GPHN: variants seen among roughly 807,000 people sequenced by gnomAD.
GPHN encodes gephyrin.
Under a neutral mutation model 95.5 loss-of-function variants are expected in GPHN, and 17 were observed. The ratio of observed to expected loss-of-function variants is 0.18; its 90% confidence interval spans 0.12 to 0.27. The LOEUF (loss-of-function observed/expected upper bound fraction) is 0.27, where lower values mean the gene tolerates loss of function less well. GPHN is among the 10% of genes least tolerant of loss of function. The pLI, the probability that GPHN is intolerant of heterozygous loss-of-function variation, is 1.00. For synonymous variants in GPHN, 320 were observed against 322.5 expected, an observed-to-expected ratio of 0.99 and a Z score of 0.08; for missense variants, 660 against 978.1, an observed-to-expected ratio of 0.67 and a Z score of 4.34.
chr14:67,479,484 G>A, the GPHN span, among the ~76,000 whole-genome samples: 3 of 150,346 alleles, frequency 2.0e-5, no homozygotes, highest in South Asian at 2.1e-4. Flanking sequence ...TTGGGAGGCC[G>A]AGGTGGGTAG....
intron 1 of GPHN, among the ~76,000 whole-genome samples, chr14:66,632,139 A>G (rs1419977840): frequency 6.6e-6 from 1 of 152,170 alleles, no homozygotes; most frequent in African/African-American, 2.4e-5. Flanking sequence ...GTCTATAAAG[A>G]GGGGAGAGCA....
the GPHN span, among the ~76,000 whole-genome samples, chr14:67,244,074 T>C: frequency 6.6e-6 from 1 of 152,224 alleles, no homozygotes; most frequent in African/African-American, 2.4e-5. Context: ...CTTTTCCAAA[T>C]CACTTAACTG....
chr14:66,846,736 A>T (rs181166242), intron 4 of GPHN, among the ~76,000 whole-genome samples: 53 of 152,264 alleles, frequency 3.5e-4, no homozygotes, highest in South Asian at 4.1e-4. Context: ...CTATTAATAA[A>T]TAACAGTAAC....
intron 1 of GPHN, among the ~76,000 whole-genome samples, chr14:66,596,264 A>G (rs916963671): frequency 1.6e-4 from 25 of 151,996 alleles, no homozygotes; most frequent in African/African-American, 6.0e-4. Context: ...AGGCCCAGAA[A>G]AAGCACCAGA....
the GPHN span, chr14:67,569,308 C>A: frequency 1.1e-6 from 1 of 901,346 alleles, no homozygotes; most frequent in Non-Finnish European, 1.8e-6. Flanking sequence ...ACACCCAGGG[C>A]CAGGGTTGGC....
At chr14:67,148,511 C>T (rs185995626) in intron 18 of GPHN, among the ~76,000 whole-genome samples, 2 of 151,620 alleles carry the variant, frequency 1.3e-5, no homozygotes, top group South Asian at 2.1e-4. Context: ...TTTAAGAGGA[C>T]CTGCAAGGTC....
chr14:66,946,350 C>T (rs1391227513), intron 8 of GPHN, among the ~76,000 whole-genome samples: 2 of 152,004 alleles, frequency 1.3e-5, no homozygotes, highest in Non-Finnish European at 2.9e-5. Flanking sequence ...CATTAATCAC[C>T]AAACCAGCCA....
At chr14:66,997,891 TCTC>T (rs2071927697) in intron 9 of GPHN, among the ~76,000 whole-genome samples, 1 of 152,212 alleles carries the variant, frequency 6.6e-6, no homozygotes, top group African/African-American at 2.4e-5. Flanking sequence ...GTTGGTATCA[TCTC>T]ATCACCACAT....
At chr14:67,619,821 G>T in the GPHN span, 56 of 567,450 alleles carry the variant, frequency 9.9e-5, no homozygotes, top group Non-Finnish European at 1.6e-4. Flanking sequence ...GCCGGGGGCT[G>T]GTTGGAGGCG....
At chr14:67,243,578 T>C in the GPHN span, among the ~76,000 whole-genome samples, 1 of 148,624 alleles carries the variant, frequency 6.7e-6, no homozygotes, top group South Asian at 2.2e-4. Context: ...CTGCAAGCTC[T>C]GCCTCCCGGG....
chr14:66,623,836 T>G (rs1412900469), intron 1 of GPHN, among the ~76,000 whole-genome samples: 1 of 152,034 alleles, frequency 6.6e-6, no homozygotes, highest in Non-Finnish European at 1.5e-5. Context: ...TGGTCCCATG[T>G]GGGAAGGGAA....
chr14:67,519,275 T>C, the GPHN span, among the ~76,000 whole-genome samples: 53,272 of 152,094 alleles, frequency 0.35, 10,233 homozygotes, highest in East Asian at 0.43. Context: ...AGAAATTTCA[T>C]TGGAAAAGAA....
the GPHN span, among the ~76,000 whole-genome samples, chr14:67,362,225 G>A: frequency 6.6e-6 from 1 of 151,906 alleles, no homozygotes; most frequent in South Asian, 2.1e-4. Flanking sequence ...TCACCATGTT[G>A]ACCAGGCTGG....
the GPHN span, among the ~76,000 whole-genome samples, chr14:67,361,153 G>A: frequency 6.6e-6 from 1 of 152,210 alleles, no homozygotes; most frequent in Middle Eastern, 3.4e-3. Context: ...ATATATTTTC[G>A]GGTTAAATAC....
chr14:67,274,611 T>C, the GPHN span, among the ~76,000 whole-genome samples: 1 of 152,334 alleles, frequency 6.6e-6, no homozygotes, highest in African/African-American at 2.4e-5. Flanking sequence ...GCGGGCTCTT[T>C]TTTGGTTCCA....
chr14:67,437,351 G>T, the GPHN span, among the ~76,000 whole-genome samples: 1 of 152,318 alleles, frequency 6.6e-6, no homozygotes, highest in South Asian at 2.1e-4. Context: ...TACAGCGATG[G>T]GAAATAAGTG....
At chr14:67,434,515 G>A in the GPHN span, among the ~76,000 whole-genome samples, 2 of 152,184 alleles carry the variant, frequency 1.3e-5, no homozygotes, top group Non-Finnish European at 2.9e-5. Flanking sequence ...GAGAAGAATC[G>A]CTGATGGGAG....
At chr14:67,594,945 C>T in the GPHN span, among the ~76,000 whole-genome samples, 2 of 151,846 alleles carry the variant, frequency 1.3e-5, no homozygotes, top group East Asian at 1.9e-4. Context: ...GTCAGGAGAT[C>T]GAGACCACGG....
At chr14:67,340,938 GGTGCCGGGATTGCA>G in the GPHN span, among the ~76,000 whole-genome samples, 1 of 152,244 alleles carries the variant, frequency 6.6e-6, no homozygotes, top group South Asian at 2.1e-4. Context: ...GGCCTCCCGA[GGTGCCGGGATTGCA>G]GATGGAGTCT....
Sources: allele counts gnomAD v4.1 joint callset (sites outside exome capture counted in the v4.1 genomes callset), GRCh38; gene constraint gnomAD v4.1.1; transcripts MANE v1.5; gene names NCBI Gene and HGNC (gene_info 2026-07-23, HGNC 2026-07-21).